The following CRADD variants were observed in gnomAD, a reference collection of about 807,000 sequenced individuals.
CRADD encodes CARD and death domain containing adaptor protein, also known as death domain-containing protein CRADD.
In CRADD, 9 loss-of-function variants were observed where a neutral mutation model predicts 15.5. That is an observed-to-expected ratio of 0.58 (90% CI 0.35 to 1.01). The LOEUF (loss-of-function observed/expected upper bound fraction) is 1.01, where lower values mean the gene tolerates loss of function less well. Among genes scored for constraint, CRADD ranks in the 50% least tolerant of loss-of-function variants. The probability of loss-of-function intolerance (pLI) is 0.02; values close to 1 mark genes in which losing one functional copy is unlikely to be tolerated. For missense variants in CRADD, 227 were observed against 250.3 expected (o/e 0.91, Z 0.63); for synonymous variants, 118 against 107.6 (o/e 1.10, Z -0.60).
chr12:93,855,615 A>C (rs6538457), downstream of CRADD, among the ~76,000 whole-genome samples: 6 of 151,778 alleles, frequency 4.0e-5, no homozygotes, highest in African/African-American at 1.5e-4. Flanking sequence ...ATAACACTGT[A>C]TCTAAGGCTC....
At chr12:93,854,230 T>C (rs1033134317), downstream of CRADD, among the ~76,000 whole-genome samples, 5 of 151,986 alleles carry the variant, frequency 3.3e-5, no homozygotes, top group Non-Finnish European at 7.4e-5. Flanking sequence ...AGCTGGTGGG[T>C]TGGCTGAGGC....
intron 2 of CRADD, chr12:93,738,588 T>A (rs1326323111): frequency 1.6e-6 from 1 of 644,374 alleles, no homozygotes; most frequent in Non-Finnish European, 2.8e-6. Flanking sequence ...CGCCACCCCC[T>A]GCACCACACG....
At chr12:93,730,052 T>C (rs1956437554) in intron 2 of CRADD, among the ~76,000 whole-genome samples, 1 of 152,226 alleles carries the variant, frequency 6.6e-6, no homozygotes, top group Admixed American at 6.5e-5. Context: ...TATATCACTA[T>C]CACTACTACT....
intron 2 of CRADD, among the ~76,000 whole-genome samples, chr12:93,789,042 ACTTC>A (rs1353274983): frequency 6.6e-6 from 1 of 151,972 alleles, no homozygotes; most frequent in Non-Finnish European, 1.5e-5. Flanking sequence ...GTGGTCAACC[ACTTC>A]AAGGTGAGAG....
chr12:93,885,930 T>C (rs61927339), intron 2 of CRADD, among the ~76,000 whole-genome samples: 15 of 151,986 alleles, frequency 9.9e-5, no homozygotes, highest in Non-Finnish European at 1.8e-4. Context: ...TCCCAGCTAC[T>C]TGGGAGGCTG....
intron 2 of CRADD, among the ~76,000 whole-genome samples, chr12:93,750,752 A>G (rs1405802126): frequency 6.6e-6 from 1 of 152,258 alleles, no homozygotes; most frequent in African/African-American, 2.4e-5. Flanking sequence ...TGACATTCAT[A>G]TTCAGTAAAG....
chr12:93,806,219 C>T (rs1234383227), intron 2 of CRADD, among the ~76,000 whole-genome samples: 2 of 151,666 alleles, frequency 1.3e-5, no homozygotes, highest in African/African-American at 4.8e-5. Flanking sequence ...TTTGGGAGGC[C>T]GAGGTGGGCG....
In CRADD at chr12:93,863,668, G is replaced by C. The variant is rs553529184; in HGVS notation, c.299-30382G>C. Among the ~76,000 whole-genome samples the C allele has an allele frequency of 8.7e-4, 128 of 147,680 alleles. 1 individual carries two copies. Among genetic ancestry groups the C allele is most frequent in the African/African-American group, 3.0e-3 (119 of 40,024 alleles). ...TGAAGCTGTCATCATACATTGGCGG[G>C]GGTTAGGGTTAGCATTACTGCCATG... On this transcript the variant is annotated intron_variant, in intron 2 of 2. Transcript: ENST00000548483.
rs1341706540 is a variant in CRADD at position 93,679,015 on chromosome 12, T to C, written c.241T>C (p.Trp81Arg). The change falls in exon 2 of 3, where the codon TGG becomes CGG. Residue 81 changes from tryptophan to arginine, a missense_variant. Transcript: ENST00000332896. ...TFLDSLQEFP[W>R]VREKLKKARE... Reference sequence around the variant, plus strand: ...CCTAGATTCCCTACAGGAGTTTCCCTGGGTCAGGGAGAAGCTGAAGAAGGC... The same window carrying C: ...CCTAGATTCCCTACAGGAGTTTCCCCGGGTCAGGGAGAAGCTGAAGAAGGC... The C allele has an allele frequency of 1.9e-6, 3 of 1,614,040 alleles. No homozygotes were observed. Among genetic ancestry groups the C allele is most frequent in the Non-Finnish European group, 2.5e-6 (3 of 1,179,984 alleles).
rs138619809 is a variant in CRADD at position 93,718,313 on chromosome 12, A to G, written c.298+39241A>G. Among the ~76,000 whole-genome samples, 1,231 of 152,242 alleles carry G rather than the reference A, an allele frequency of 8.1e-3. 11 individuals are homozygous for G. Among genetic ancestry groups the G allele is most frequent in the African/African-American group, 0.026 (1,097 of 41,556 alleles). The stretch of plus-strand genomic sequence containing the variant: ...TGAACATGGGATATCTGTTTATTCA[A>G]TTCTTCTTTGGTTTCTTTCACCAGT... On this transcript the variant is annotated intron_variant, in intron 2 of 2. Transcript: ENST00000332896.
intron 2 of CRADD, among the ~76,000 whole-genome samples, chr12:93,701,786 A>G (rs535498886): frequency 6.6e-6 from 1 of 152,264 alleles, no homozygotes; most frequent in Non-Finnish European, 1.5e-5. Context: ...CCCCACTGAT[A>G]CAATGATGTT....
intron 2 of CRADD, among the ~76,000 whole-genome samples, chr12:93,778,344 G>T (rs1957162448): frequency 6.6e-6 from 1 of 152,154 alleles, no homozygotes; most frequent in South Asian, 2.1e-4. Flanking sequence ...ATGATTCAGA[G>T]CGCGAGGGAA....
chr12:93,818,396 A>T (rs1957732915), intron 2 of CRADD, among the ~76,000 whole-genome samples: 2 of 152,222 alleles, frequency 1.3e-5, no homozygotes, highest in Non-Finnish European at 1.5e-5. Flanking sequence ...TCCCAGGGGC[A>T]ACCCTTAGGA....
intron 2 of CRADD, among the ~76,000 whole-genome samples, chr12:93,874,748 A>G (rs796723701): frequency 1.9e-4 from 29 of 151,912 alleles, no homozygotes; most frequent in African/African-American, 7.0e-4. Flanking sequence ...CTTGTTATTG[A>G]TTTCTAGTTT....
chr12:93,796,463 GGCA>G (rs1336392675), intron 2 of CRADD, among the ~76,000 whole-genome samples: 2 of 151,914 alleles, frequency 1.3e-5, no homozygotes, highest in African/African-American at 4.8e-5. Flanking sequence ...AAATTGGCAG[GGCA>G]TGGTGGTGGG....
chr12:93,833,225 A>G (rs2019047), intron 2 of CRADD, among the ~76,000 whole-genome samples: 103,759 of 152,108 alleles, frequency 0.68, 35,560 homozygotes, highest in Middle Eastern at 0.72. Flanking sequence ...TTAATATTAA[A>G]GAAACGTTGT....
intron 2 of CRADD, among the ~76,000 whole-genome samples, chr12:93,768,673 G>A (rs7300633): frequency 0.83 from 125,831 of 152,196 alleles, 52,806 homozygotes; most frequent in African/African-American, 0.96. Flanking sequence ...CAATAAATAT[G>A]GATTAAAACA....
At chr12:93,768,461 TTAAAA>T (rs1488473515) in intron 2 of CRADD, among the ~76,000 whole-genome samples, 2 of 151,262 alleles carry the variant, frequency 1.3e-5, no homozygotes, top group African/African-American at 4.8e-5. Flanking sequence ...AGTGTTAAAG[TTAAAA>T]TAAAATGTTT....
intron 2 of CRADD, among the ~76,000 whole-genome samples, chr12:93,810,096 A>G (rs1434025646): frequency 6.6e-6 from 1 of 152,208 alleles, no homozygotes; most frequent in Non-Finnish European, 1.5e-5. Flanking sequence ...CTCTGAAAAC[A>G]AGACTCACTC....
Sources: gnomAD v4.1 joint callset for allele counts (sites outside exome capture counted in the v4.1 genomes callset) on GRCh38, gnomAD v4.1.1 for gene constraint, MANE v1.5 for transcripts, NCBI Gene and HGNC (gene_info 2026-07-23, HGNC 2026-07-21) for gene names.